FAM178B: variants seen among roughly 807,000 people sequenced by gnomAD.
FAM178B encodes the protein protein FAM178B.
In FAM178B, 82 loss-of-function variants were observed where a neutral mutation model predicts 91.7. The observed-to-expected ratio is 0.89, with a 90% CI of 0.75 to 1.07. The LOEUF (loss-of-function observed/expected upper bound fraction) is 1.07, where lower values mean the gene tolerates loss of function less well. FAM178B is among the 50% of genes least tolerant of loss of function. FAM178B has a pLI of 0.00. For missense variants in FAM178B, 769 were observed against 846.7 expected, an observed-to-expected ratio of 0.91 and a Z score of 1.14; for synonymous variants, 368 against 359.4, an observed-to-expected ratio of 1.02 and a Z score of -0.27.
intron 14 of FAM178B, among the ~76,000 whole-genome samples, chr2:96,880,846 G>A (rs1052113690): frequency 3.3e-5 from 5 of 152,050 alleles, no homozygotes; most frequent in East Asian, 1.9e-4. Context: ...CGCCCGCCTC[G>A]GCCTCCCAAA....
At chr2:96,894,150 T>C in intron 13 of FAM178B, 99 bp from the exon 14 acceptor site, 1 of 1,415,682 alleles carries the variant, frequency 7.1e-7, no homozygotes, top group Non-Finnish European at 9.6e-7. Flanking sequence ...GGTGGCAGTG[T>C]GTTAGGGCAC....
intron 13 of FAM178B, among the ~76,000 whole-genome samples, chr2:96,899,261 T>C (rs2080880972): frequency 6.6e-6 from 1 of 152,248 alleles, no homozygotes; most frequent in African/African-American, 2.4e-5. Context: ...TCAGGGCATC[T>C]TCTCTAGCAG....
intron 6 of FAM178B, among the ~76,000 whole-genome samples, chr2:96,957,534 C>T (rs2082016233): frequency 6.6e-6 from 1 of 152,184 alleles, no homozygotes; most frequent in Non-Finnish European, 1.5e-5. Context: ...GCCACCTGGC[C>T]CCATTTGGCA....
At chr2:96,933,396 G>A (rs959939551) in intron 8 of FAM178B, among the ~76,000 whole-genome samples, 2 of 152,156 alleles carry the variant, frequency 1.3e-5, no homozygotes, top group Non-Finnish European at 2.9e-5. Flanking sequence ...GGAAGATAGA[G>A]GAAGAAAATC....
At chr2:96,950,448 GCT>G (rs1373773651) in intron 7 of FAM178B, among the ~76,000 whole-genome samples, 1 of 152,190 alleles carries the variant, frequency 6.6e-6, no homozygotes, top group Admixed American at 6.5e-5. Flanking sequence ...GAGCTGGAGG[GCT>G]CTCTCTGGAC....
At position 96,967,911 on chromosome 2, in the gene FAM178B, C is replaced by CTTTTTTT. The variant is rs60965536; in HGVS notation, c.627-291_627-285dup. Among the ~76,000 whole-genome samples, 58 of 62,438 alleles carry CTTTTTTT rather than the reference C, an allele frequency of 9.3e-4. 7 individuals carry two copies. Among genetic ancestry groups the CTTTTTTT allele is most frequent in the African/African-American group, 1.6e-3 (27 of 16,564 alleles). The allele number at this position is 62,438 out of a possible 152,430, so 41.0% of individuals were successfully genotyped here. A position where few individuals can be genotyped will look rare whatever the true frequency, so the allele number is the denominator to read the frequency against. On this transcript the variant is annotated intron_variant, in intron 4 of 16. Transcript: ENST00000490605. Reference sequence around the variant, plus strand: ...TCTTTACTTGTGTACCCTGTTTGGTCTTTTTTTTTTTTTTTTTTTTTTTTT... The same window carrying CTTTTTTT: ...TCTTTACTTGTGTACCCTGTTTGGTCTTTTTTTTTTTTTTTTTTTTTTTTTTTTTTTT...
intron 16 of FAM178B, among the ~76,000 whole-genome samples, chr2:96,877,480 G>C (rs1026780066): frequency 6.7e-6 from 1 of 149,648 alleles, no homozygotes; most frequent in South Asian, 2.1e-4. Context: ...TGGGCTTACT[G>C]CAACCTCCGC....
At chr2:96,931,285 G>A (rs1292385291) in intron 8 of FAM178B, among the ~76,000 whole-genome samples, 1 of 152,222 alleles carries the variant, frequency 6.6e-6, no homozygotes, top group Non-Finnish European at 1.5e-5. Flanking sequence ...CTAGCTAGGT[G>A]TGGAAGATAA....
intron 7 of FAM178B, among the ~76,000 whole-genome samples, chr2:96,950,501 C>A (rs2081906903): frequency 6.6e-6 from 1 of 152,172 alleles, no homozygotes; most frequent in African/African-American, 2.4e-5. Flanking sequence ...CTGGAATAAT[C>A]CGCCCCACAT....
At chr2:96,923,135 AT>A (rs796650388) in intron 10 of FAM178B, among the ~76,000 whole-genome samples, 3 of 149,290 alleles carry the variant, frequency 2.0e-5, no homozygotes, top group Admixed American at 6.7e-5. Flanking sequence ...TGCCCGGCTG[AT>A]TTTTTTTTGT....
rs762396630 is a variant in FAM178B, at chr2:96,924,054, ACTTGGTGTAGGAGG to A, written c.1194-485_1194-472del. Among the ~76,000 whole-genome samples the A allele has an allele frequency of 5.5e-4, 84 of 152,306 alleles. No homozygotes were observed. In the East Asian group the frequency reaches 0.013, roughly 23 times the overall value. On this transcript the variant is annotated intron_variant, in intron 9 of 16. Coordinates refer to ENST00000490605, the MANE Select transcript of FAM178B (RefSeq NM_001122646.3). ...CTACTGGTCACACAGGGCCGACCTG[ACTTGGTGTAGGAGG>A]AGGCTACAGAACTATGTGAACTCTA...
chr2:96,880,156 G>T (rs1269243039), intron 14 of FAM178B, among the ~76,000 whole-genome samples: 1 of 152,206 alleles, frequency 6.6e-6, no homozygotes, highest in African/African-American at 2.4e-5. Flanking sequence ...CCCTTCCAGG[G>T]TTTTTTGGGG....
At chr2:96,901,533 G>A (rs1055847863) in intron 13 of FAM178B, among the ~76,000 whole-genome samples, 1 of 152,164 alleles carries the variant, frequency 6.6e-6, no homozygotes, top group African/African-American at 2.4e-5. Context: ...TGGGGACTGA[G>A]GGGACACCAG....
intron 5 of FAM178B, among the ~76,000 whole-genome samples, chr2:96,967,269 G>C (rs1017172742): frequency 6.6e-6 from 1 of 152,286 alleles, no homozygotes; most frequent in East Asian, 1.9e-4. Context: ...CAGATAATTG[G>C]GGCAGAACAA....
At chr2:96,911,819 A>G (rs577906996) in intron 12 of FAM178B, among the ~76,000 whole-genome samples, 10 of 152,242 alleles carry the variant, frequency 6.6e-5, no homozygotes, top group Admixed American at 6.5e-4. Context: ...GTGGGCAGAC[A>G]CTGGTGCCAC....
At chr2:96,923,624 G>C in intron 9 of FAM178B, 41 bp from the exon 10 acceptor site, 3 of 1,475,244 alleles carry the variant, frequency 2.0e-6, no homozygotes, top group Non-Finnish European at 2.8e-6. Flanking sequence ...AAACCCAGGA[G>C]GGGGCACAGG....
At chr2:96,917,542 G>A (rs192182394) in intron 12 of FAM178B, among the ~76,000 whole-genome samples, 1 of 152,178 alleles carries the variant, frequency 6.6e-6, no homozygotes, top group African/African-American at 2.4e-5. Flanking sequence ...CTTCAAATCT[G>A]TCTTGAAAGG....
At chr2:96,984,063 G>A (rs537735061) in intron 1 of FAM178B, among the ~76,000 whole-genome samples, 4 of 151,978 alleles carry the variant, frequency 2.6e-5, no homozygotes, top group East Asian at 1.9e-4. Flanking sequence ...TCCGCCTCCC[G>A]GGTTCAAGCG....
chr2:96,936,516 T>G (rs1483168583), intron 8 of FAM178B, among the ~76,000 whole-genome samples: 13 of 91,230 alleles, frequency 1.4e-4, no homozygotes, highest in African/African-American at 1.9e-4. Flanking sequence ...TTTTTGGTTG[T>G]TTTTTTTTTT....
Sources: gnomAD v4.1 joint callset for allele counts (sites outside exome capture counted in the v4.1 genomes callset) on GRCh38, gnomAD v4.1.1 for gene constraint, MANE v1.5 for transcripts, NCBI Gene and HGNC (gene_info 2026-07-23, HGNC 2026-07-21) for gene names.